Variants in STXBP4 observed in about 807,000 individuals in gnomAD.
The protein encoded by STXBP4 is syntaxin binding protein 4.
Under a neutral mutation model 76.1 loss-of-function variants are expected in STXBP4, and 55 were observed. That is an observed-to-expected ratio of 0.72 (90% CI 0.58 to 0.91). STXBP4 has a LOEUF of 0.91. STXBP4 is among the 40% of genes least tolerant of loss of function. The pLI, the probability that STXBP4 is intolerant of heterozygous loss-of-function variation, is 0.00. For missense variants in STXBP4, 618 were observed against 636.9 expected (o/e 0.97, Z 0.32); for synonymous variants, 201 against 220.2 (o/e 0.91, Z 0.77).
intron 1 of STXBP4, among the ~76,000 whole-genome samples, chr17:54,979,371 T>G (rs529300485): frequency 7.2e-5 from 11 of 152,320 alleles, no homozygotes; most frequent in African/African-American, 2.4e-4. Context: ...AGGAGTGCCC[T>G]ATGTGTCCTT....
intron 12 of STXBP4, among the ~76,000 whole-genome samples, chr17:55,064,612 G>A (rs369370653): frequency 1.4e-4 from 22 of 152,104 alleles, no homozygotes; most frequent in South Asian, 8.3e-4. Context: ...TACTGCCTCC[G>A]CCTCCTGAGT....
At chr17:55,032,526 G>T (rs952644249) in intron 9 of STXBP4, among the ~76,000 whole-genome samples, 5 of 152,254 alleles carry the variant, frequency 3.3e-5, no homozygotes, top group South Asian at 2.1e-4. Context: ...AAGTACTTCT[G>T]GAGACTGAGT....
At chr17:55,152,633 G>A (rs753097994) in intron 17 of STXBP4, among the ~76,000 whole-genome samples, 42 of 152,204 alleles carry the variant, frequency 2.8e-4, no homozygotes, top group Non-Finnish European at 5.4e-4. Context: ...AATGCCAGAC[G>A]CTTATTAAAC....
At chr17:55,130,216 C>G (rs2079959613) in intron 16 of STXBP4, among the ~76,000 whole-genome samples, 1 of 152,172 alleles carries the variant, frequency 6.6e-6, no homozygotes, top group East Asian at 1.9e-4. Context: ...CCAGCTGACA[C>G]CTTGATTTCC....
At chr17:54,998,205 G>A (rs2077847758) in intron 4 of STXBP4, among the ~76,000 whole-genome samples, 1 of 151,926 alleles carries the variant, frequency 6.6e-6, no homozygotes, top group African/African-American at 2.4e-5. Flanking sequence ...AGTATCCAAG[G>A]GATATATTTT....
intron 16 of STXBP4, among the ~76,000 whole-genome samples, chr17:55,129,740 A>G (rs1222021414): frequency 6.6e-6 from 1 of 152,238 alleles, no homozygotes; most frequent in African/African-American, 2.4e-5. Context: ...TAGACATTGT[A>G]TAAAATAAAT....
the STXBP4 span, among the ~76,000 whole-genome samples, chr17:55,205,772 C>G: frequency 6.6e-6 from 1 of 151,860 alleles, no homozygotes; most frequent in African/African-American, 2.4e-5. Flanking sequence ...ATCTCATATA[C>G]TCTTGGTGGG....
At chr17:54,997,081 G>A (rs967475090) in intron 4 of STXBP4, among the ~76,000 whole-genome samples, 4 of 152,188 alleles carry the variant, frequency 2.6e-5, no homozygotes, top group Non-Finnish European at 5.9e-5. Flanking sequence ...TGTGGAAGAG[G>A]TCTCAACATA....
At chr17:55,066,693 G>T (rs1900939619) in intron 12 of STXBP4, among the ~76,000 whole-genome samples, 1 of 151,892 alleles carries the variant, frequency 6.6e-6, no homozygotes, top group Non-Finnish European at 1.5e-5. Context: ...CTGTAAAAAA[G>T]ATTTTTTAAA....
intron 16 of STXBP4, among the ~76,000 whole-genome samples, chr17:55,133,643 A>G (rs532974550): frequency 1.3e-5 from 2 of 152,330 alleles, no homozygotes; most frequent in Admixed American, 6.5e-5. Context: ...CTAGCAAATG[A>G]GCAGAGAAGA....
rs559919354 is a variant in STXBP4, at chr17:55,016,267, A to G, written c.666+8670A>G. ...GTAGCAGTCCTGCACCTGTTTTCTC[A>G]CCTTTCTTGACCACAAAGAAAGGGG... On this transcript the variant is annotated intron_variant, in intron 8 of 17. Transcript: ENST00000376352. Among the ~76,000 whole-genome samples the G allele has an allele frequency of 2.0e-5, 3 of 151,976 alleles. No individual in the cohort carries two copies. The East Asian group carries it at 5.8e-4, about 30-fold the overall frequency.
At chr17:55,205,778 G>T in the STXBP4 span, among the ~76,000 whole-genome samples, 1 of 152,078 alleles carries the variant, frequency 6.6e-6, no homozygotes, top group South Asian at 2.1e-4. Context: ...TATACTCTTG[G>T]TGGGAAGACA....
intron 16 of STXBP4, among the ~76,000 whole-genome samples, chr17:55,093,820 T>C (rs1041690761): frequency 4.6e-5 from 7 of 152,264 alleles, no homozygotes; most frequent in African/African-American, 1.7e-4. Flanking sequence ...ATTTGTTGAG[T>C]GTCTACAATG....
chr17:55,114,849 A>C (rs1310241819), intron 16 of STXBP4, among the ~76,000 whole-genome samples: 1 of 151,922 alleles, frequency 6.6e-6, no homozygotes, highest in Non-Finnish European at 1.5e-5. Context: ...TGACAATCAC[A>C]GTTCTCATAT....
At chr17:55,123,917 A>T (rs1329085110) in intron 16 of STXBP4, among the ~76,000 whole-genome samples, 2 of 152,120 alleles carry the variant, frequency 1.3e-5, no homozygotes, top group African/African-American at 4.8e-5. Flanking sequence ...AAAAGAAGAT[A>T]AAACGAGAAA....
chr17:55,060,905 C>CA (rs2078987011), intron 12 of STXBP4, among the ~76,000 whole-genome samples: 1 of 152,272 alleles, frequency 6.6e-6, no homozygotes, highest in East Asian at 1.9e-4. Context: ...TGACCTAAGG[C>CA]AGCAATGAAT....
chr17:54,985,796 T>C (rs2077617912), intron 2 of STXBP4, 105 bp downstream of exon 2: 1 of 156,198 alleles, frequency 6.4e-6, no homozygotes, highest in African/African-American at 2.4e-5. Context: ...CCTTAATCTT[T>C]AACTATTATG....
the STXBP4 span, among the ~76,000 whole-genome samples, chr17:55,206,786 G>A: frequency 3.4e-5 from 5 of 149,198 alleles, no homozygotes; most frequent in African/African-American, 9.9e-5. Context: ...GAACCCGGAA[G>A]GGGGAGGTTG....
At chr17:54,998,142 A>G (rs992778496) in intron 4 of STXBP4, among the ~76,000 whole-genome samples, 3 of 152,198 alleles carry the variant, frequency 2.0e-5, no homozygotes, top group Non-Finnish European at 4.4e-5. Context: ...ATTTAGGAGT[A>G]AAATAACTGT....
Sources: allele counts gnomAD v4.1 joint callset (sites outside exome capture counted in the v4.1 genomes callset), GRCh38; gene constraint gnomAD v4.1.1; transcripts MANE v1.5; gene names NCBI Gene and HGNC (gene_info 2026-07-23, HGNC 2026-07-21).